The following CHRM3 variants were observed in gnomAD, a reference collection of about 807,000 sequenced individuals.
The protein encoded by CHRM3 is muscarinic acetylcholine receptor M3.
CHRM3 carries 11 observed loss-of-function variants against 41.8 expected under a neutral mutation model. The observed-to-expected ratio is 0.26, with a 90% CI of 0.17 to 0.44. CHRM3 has a LOEUF of 0.44. Among genes scored for constraint, CHRM3 ranks in the 20% least tolerant of loss-of-function variants. CHRM3 has a pLI of 1.00. For synonymous variants in CHRM3, 297 were observed against 301.4 expected, an observed-to-expected ratio of 0.99 and a Z score of 0.15; for missense variants, 571 against 745.4, an observed-to-expected ratio of 0.77 and a Z score of 2.72.
chr1:239,490,980 A>AT (rs1667514231), intron 1 of CHRM3, among the ~76,000 whole-genome samples: 1 of 151,884 alleles, frequency 6.6e-6, no homozygotes. Context: ...GGCTCAAGTG[A>AT]TTTTTCCCCT....
intron 5 of CHRM3, among the ~76,000 whole-genome samples, chr1:239,679,027 G>GGAGA (rs1553362064): frequency 6.7e-6 from 1 of 148,666 alleles, no homozygotes; most frequent in Admixed American, 6.8e-5. Flanking sequence ...GTAGATAGAT[G>GGAGA]GATAGATAGA....
At chr1:239,880,940 G>A (rs1040924741) in intron 6 of CHRM3, among the ~76,000 whole-genome samples, 1 of 152,168 alleles carries the variant, frequency 6.6e-6, no homozygotes, top group Admixed American at 6.5e-5. Context: ...AGCTGAGGAG[G>A]CTGGGGGCAA....
At chr1:239,537,075 AT>A (rs1658275009) in intron 2 of CHRM3, among the ~76,000 whole-genome samples, 1 of 151,920 alleles carries the variant, frequency 6.6e-6, no homozygotes, top group Admixed American at 6.6e-5. Flanking sequence ...TCTTAGACTG[AT>A]TGCCAATTTC....
intron 2 of CHRM3, among the ~76,000 whole-genome samples, chr1:239,508,780 A>T (rs1332079933): frequency 6.6e-6 from 1 of 152,162 alleles, no homozygotes; most frequent in Non-Finnish European, 1.5e-5. Context: ...TCTATCTCTG[A>T]CTAGTTATGT....
At chr1:239,574,806 T>TCTTC (rs1230216601) in intron 3 of CHRM3, among the ~76,000 whole-genome samples, 3 of 152,088 alleles carry the variant, frequency 2.0e-5, no homozygotes, top group Non-Finnish European at 2.9e-5. Context: ...CTTCTTTCTT[T>TCTTC]CTTCCTCCTC....
At chr1:239,793,723 G>T (rs1183669032) in intron 5 of CHRM3, among the ~76,000 whole-genome samples, 5 of 151,150 alleles carry the variant, frequency 3.3e-5, no homozygotes, top group Admixed American at 6.6e-5. Context: ...GTTTTCTGAG[G>T]CATTTAGGAA....
intron 5 of CHRM3, among the ~76,000 whole-genome samples, chr1:239,702,940 T>C (rs1281420177): frequency 2.0e-5 from 3 of 152,180 alleles, no homozygotes; most frequent in Non-Finnish European, 4.4e-5. Context: ...CATGTGCAAA[T>C]TGATAATATT....
At chr1:239,788,207 G>C (rs1669061986) in intron 5 of CHRM3, among the ~76,000 whole-genome samples, 1 of 152,112 alleles carries the variant, frequency 6.6e-6, no homozygotes, top group Non-Finnish European at 1.5e-5. Context: ...CTGCACTCCA[G>C]CCTGCCTGGT....
intron 5 of CHRM3, among the ~76,000 whole-genome samples, chr1:239,756,472 A>T (rs564392026): frequency 1.3e-5 from 2 of 152,318 alleles, no homozygotes; most frequent in African/African-American, 4.8e-5. Flanking sequence ...TCTACCTACC[A>T]ATTTATTTCA....
In CHRM3 at chr1:239,677,402, G is replaced by A. The variant is rs527946286; in HGVS notation, c.-249-784G>A. On this transcript the variant is annotated intron_variant, in intron 4 of 6. Transcript: ENST00000676153. ...TAAATTATTTGCCATAAAACATTAG[G>A]GGGAACTCATACCTAGTTGCGTCTT... Among the ~76,000 whole-genome samples, 64 of 152,288 alleles carry A rather than the reference G, an allele frequency of 4.2e-4. No individual in the cohort carries two copies. The South Asian group carries it at 0.013, about 31-fold the overall frequency.
At chr1:239,484,685 C>A (rs1402358777) in intron 1 of CHRM3, among the ~76,000 whole-genome samples, 1 of 152,002 alleles carries the variant, frequency 6.6e-6, no homozygotes, top group Non-Finnish European at 1.5e-5. Flanking sequence ...GGCAACAGAG[C>A]AAATCTTGTC....
chr1:239,519,741 CT>C (rs386370161), intron 2 of CHRM3, among the ~76,000 whole-genome samples: 2,105 of 84,820 alleles, frequency 0.025, 9 homozygotes, highest in South Asian at 0.067. Context: ...AAAACTAGTT[CT>C]TTTTTTTTTT....
At chr1:239,855,965 C>G (rs1004721598) in intron 6 of CHRM3, among the ~76,000 whole-genome samples, 14 of 152,108 alleles carry the variant, frequency 9.2e-5, no homozygotes, top group Admixed American at 9.2e-4. Context: ...TGTTTCTTAG[C>G]AGTTTCTCAG....
At chr1:239,813,631 C>A (rs534971834) in intron 5 of CHRM3, among the ~76,000 whole-genome samples, 25 of 151,938 alleles carry the variant, frequency 1.6e-4, no homozygotes, top group Non-Finnish European at 3.4e-4. Flanking sequence ...ATCAAACTCA[C>A]AGTTGGCCGG....
chr1:239,542,453 G>A (rs1312653236), intron 2 of CHRM3, among the ~76,000 whole-genome samples: 2 of 152,278 alleles, frequency 1.3e-5, no homozygotes, highest in East Asian at 3.9e-4. Context: ...AATTTTGGTT[G>A]GAGATTAGTA....
At chr1:239,830,843 A>T (rs193131477) in intron 6 of CHRM3, among the ~76,000 whole-genome samples, 1 of 152,286 alleles carries the variant, frequency 6.6e-6, no homozygotes, top group Non-Finnish European at 1.5e-5. Flanking sequence ...GGACCACCCT[A>T]CAGACTCTCA....
intron 5 of CHRM3, among the ~76,000 whole-genome samples, chr1:239,792,256 T>C (rs1669410022): frequency 6.6e-6 from 1 of 152,210 alleles, no homozygotes; most frequent in South Asian, 2.1e-4. Context: ...ACTTATTATA[T>C]GCCTGTCATT....
At chr1:239,866,195 G>A (rs910009039) in intron 6 of CHRM3, among the ~76,000 whole-genome samples, 1 of 152,134 alleles carries the variant, frequency 6.6e-6, no homozygotes, top group Non-Finnish European at 1.5e-5. Flanking sequence ...GGCTAACACG[G>A]TGAAACCCCG....
chr1:239,817,738 T>G lies in CHRM3; in HGVS notation c.-146-9514T>G, dbSNP rs1186829532. Among the ~76,000 whole-genome samples the G allele has an allele frequency of 2.0e-5, 3 of 152,062 alleles. No individual in the cohort carries two copies. In the East Asian group the frequency reaches 5.8e-4, roughly 29 times the overall value. ...CGCACAGATCTCTAAGCTCAGACTTTTAGAAAGAAATCTTCCTTGGCACAC... is the reference window on the plus strand; with the variant it reads ...CGCACAGATCTCTAAGCTCAGACTTGTAGAAAGAAATCTTCCTTGGCACAC... On this transcript the variant is annotated intron_variant, in intron 5 of 6. Coordinates refer to ENST00000676153, the MANE Select transcript of CHRM3 (RefSeq NM_001375978.1).
Sources: allele counts gnomAD v4.1 joint callset (sites outside exome capture counted in the v4.1 genomes callset), GRCh38; gene constraint gnomAD v4.1.1; transcripts MANE v1.5; gene names NCBI Gene and HGNC (gene_info 2026-07-23, HGNC 2026-07-21).